The following NR1H3 variants were observed in gnomAD, a reference collection of about 807,000 sequenced individuals.
NR1H3 encodes oxysterols receptor LXR-alpha.
Under a neutral mutation model 48.1 loss-of-function variants are expected in NR1H3, and 19 were observed. The observed-to-expected ratio is 0.40, with a 90% CI of 0.28 to 0.58. NR1H3 has a LOEUF of 0.58. NR1H3 is among the 20% of genes least tolerant of loss of function. The pLI is 0.50. For synonymous variants in NR1H3, 232 were observed against 227.3 expected (o/e 1.02, Z -0.19); for missense variants, 486 against 595.9 (o/e 0.82, Z 1.92).
intron 7 of NR1H3, 71 bp from the exon 8 acceptor site, chr11:47,267,842 C>A (rs1486787067): frequency 1.8e-6 from 2 of 1,081,414 alleles, no homozygotes; most frequent in African/African-American, 3.1e-5. Context: ...CTAATAGTTC[C>A]CTAAGGTGAG....
chr11:47,262,639 C>G (rs1177524265), intron 7 of NR1H3, among the ~76,000 whole-genome samples: 1 of 152,038 alleles, frequency 6.6e-6, no homozygotes, highest in African/African-American at 2.4e-5. Flanking sequence ...TTCAGCTTCT[C>G]AAGTAGCTGG....
intron 1 of NR1H3, among the ~76,000 whole-genome samples, chr11:47,249,672 C>T (rs1027227286): frequency 6.6e-6 from 1 of 152,152 alleles, no homozygotes; most frequent in Non-Finnish European, 1.5e-5. Context: ...GATTCAGGTG[C>T]AGCCAGTTTG....
chr11:47,249,937 CA>C (rs59771362), intron 1 of NR1H3, among the ~76,000 whole-genome samples: 3,997 of 144,372 alleles, frequency 0.028, 55 homozygotes, highest in Non-Finnish European at 0.042. Flanking sequence ...ACTAAAAATA[CA>C]AAAAAAAAAA....
At chr11:47,254,723 T>C (rs1335655749), upstream of NR1H3, among the ~76,000 whole-genome samples, 1 of 152,154 alleles carries the variant, frequency 6.6e-6, no homozygotes, top group Non-Finnish European at 1.5e-5. Context: ...GCCTGCTGTC[T>C]TCTCACACTC....
At position 47,268,592 on chromosome 11, in the gene NR1H3, C is replaced by T. The variant is rs772415966; in HGVS notation, c.1240C>T (p.Leu414Phe). ...FPRMLMKLVS[L>F]RTLSSVHSEQ... is the part of the protein sequence containing the mutation. ...ACGGATGCTAATGAAACTGGTGAGC[C>T]TCCGGACCCTGAGCAGCGTCCACTC... The change falls in exon 10 of 10, where the codon CTC becomes TTC. Residue 414 changes from leucine to phenylalanine, a missense_variant. Physicochemically the swap from Leu to Phe is conservative, Grantham distance 22. Transcript: ENST00000441012. 1 of 1,614,226 alleles carries T rather than the reference C, an allele frequency of 6.2e-7. No homozygotes were observed. Among genetic ancestry groups the T allele is most frequent in the East Asian group, 2.2e-5 (1 of 44,888 alleles).
chr11:47,260,103 T>C, intron 3 of NR1H3, 124 bp downstream of exon 3: 1 of 917,000 alleles, frequency 1.1e-6, no homozygotes, highest in Non-Finnish European at 1.6e-6. Context: ...GCTTTAGAGC[T>C]AACTAAATCT....
upstream of NR1H3, chr11:47,257,801 C>A (rs1231243809): frequency 2.2e-5 from 7 of 321,056 alleles, no homozygotes; most frequent in South Asian, 1.0e-3. Flanking sequence ...CTGTTTTGGC[C>A]GGGAGTAGGG....
At chr11:47,259,021 A>C in intron 1 of NR1H3, 159 bp from the exon 2 acceptor site, 1 of 1,307,684 alleles carries the variant, frequency 7.6e-7, no homozygotes, top group Non-Finnish European at 1.0e-6. Context: ...TAAAAAACAT[A>C]ATAGTAATAT....
rs533205092 is a variant in NR1H3, at chr11:47,268,250, G to A, written c.1103-11G>A. The A allele has an allele frequency of 1.1e-5, 17 of 1,613,476 alleles. No individual in the cohort carries two copies. The South Asian group carries it at 1.6e-4, about 16-fold the overall frequency. ...CCAGACCTGCTCCTCAACTCTCTTG[G>A]TGACCTATAGACCGGCCCAACGTGC... On this transcript the variant is annotated splice_polypyrimidine_tract_variant and intron_variant, in intron 8 of 9. Coordinates refer to ENST00000441012, the MANE Select transcript of NR1H3 (RefSeq NM_005693.4).
intron 1 of NR1H3, chr11:47,250,491 T>C (rs1255589683): frequency 6.6e-6 from 1 of 152,204 alleles, no homozygotes; most frequent in Non-Finnish European, 1.5e-5. Context: ...TATTTATATA[T>C]ACTTCAGGAT....
rs1162254717 is a variant in NR1H3, at chr11:47,260,426, C to T, written c.250C>T (p.Arg84Trp). Residue 84 changes from arginine to tryptophan, a missense_variant, in exon 4 of 10, where the codon CGG becomes TGG. By Grantham distance (101) the Arg-to-Trp change is moderately radical (BLOSUM62 -3). Transcript: ENST00000441012. ...GTATCCAGAGATCCGTCCACAAAAG[C>T]GGAAAAAGGGGCCAGCCCCCAAAAT... is the stretch of plus-strand genomic sequence containing the variant. ...SEPTEIRPQK[R>W]KKGPAPKMLG... is the part of the protein sequence containing the mutation. 4.3e-6 allele frequency: 7 copies of T among 1,612,928 alleles called. No individual in the cohort carries two copies. The highest frequency in any genetic ancestry group is 4.5e-5 in the East Asian group (2 of 44,878).
At chr11:47,262,246 G>T (rs1041199174) in intron 7 of NR1H3, among the ~76,000 whole-genome samples, 13 of 151,882 alleles carry the variant, frequency 8.6e-5, no homozygotes, top group Non-Finnish European at 1.5e-5. Flanking sequence ...AGGCATGGTG[G>T]CACGCGCCTG....
chr11:47,255,531 CTTTCTTTCTTTTT>C (rs879336558), upstream of NR1H3, among the ~76,000 whole-genome samples: 1,084 of 132,174 alleles, frequency 8.2e-3, 5 homozygotes, highest in Non-Finnish European at 0.013. Context: ...GACTCTCTTT[CTTTCTTTCTTTTT>C]CTTTCTTTCT....
chr11:47,248,924 C>A, exon 1 of NR1H3: 1 of 1,534,518 alleles, frequency 6.5e-7, no homozygotes, highest in African/African-American at 1.4e-5. Flanking sequence ...TGCTGGGGTG[C>A]GGGGAAAAGG....
upstream of NR1H3, chr11:47,248,404 T>C: frequency 6.6e-7 from 1 of 1,524,678 alleles, no homozygotes; most frequent in Admixed American, 2.0e-5. Flanking sequence ...TGGGGACAAC[T>C]GGGGAAAAAA....
intron 2 of NR1H3, 63 bp from the exon 3 acceptor site, chr11:47,259,728 A>G: frequency 6.2e-7 from 1 of 1,604,956 alleles, no homozygotes; most frequent in Non-Finnish European, 8.5e-7. Flanking sequence ...CCCAGCTAGG[A>G]CGCTGGGCCG....
upstream of NR1H3, among the ~76,000 whole-genome samples, chr11:47,255,525 C>G (rs912740730): frequency 7.0e-6 from 1 of 143,202 alleles, no homozygotes; most frequent in Non-Finnish European, 1.6e-5. Flanking sequence ...GTGATAGACT[C>G]TCTTTCTTTC....
chr11:47,268,538 T>A lies in NR1H3; in HGVS notation c.1198-12T>A. 2 of 1,614,170 alleles carry A rather than the reference T, an allele frequency of 1.2e-6. No individual in the cohort carries two copies. Among genetic ancestry groups the A allele is most frequent in the Non-Finnish European group, 8.5e-7 (1 of 1,180,016 alleles). ...CAGGCAAAAGCTGTGTTTGTCTCTC[T>A]CCTTTCCCCAGGACCGACTGATGTT... On this transcript the variant is annotated splice_polypyrimidine_tract_variant and intron_variant, in intron 9 of 9. Coordinates refer to ENST00000441012, the MANE Select transcript of NR1H3 (RefSeq NM_005693.4).
chr11:47,257,722 G>C (rs971049587), upstream of NR1H3: 7 of 985,330 alleles, frequency 7.1e-6, no homozygotes, highest in Non-Finnish European at 8.4e-6. Context: ...TGCAAGAGCT[G>C]CTAAGAGCGC....
Sources: allele counts gnomAD v4.1 joint callset (sites outside exome capture counted in the v4.1 genomes callset), GRCh38; gene constraint gnomAD v4.1.1; transcripts MANE v1.5; gene names NCBI Gene and HGNC (gene_info 2026-07-23, HGNC 2026-07-21).